Variants in KIF21A observed in about 807,000 individuals in gnomAD.
KIF21A encodes kinesin-like protein KIF21A.
A neutral mutation model predicts 202.9 loss-of-function variants in KIF21A; 114 were observed. The ratio of observed to expected loss-of-function variants is 0.56; its 90% CI spans 0.48 to 0.66. The LOEUF (loss-of-function observed/expected upper bound fraction) is 0.66. Among genes scored for constraint, KIF21A ranks in the 30% least tolerant of loss-of-function variants. The pLI is 0.00. For synonymous variants in KIF21A, 667 were observed against 670.8 expected (o/e 0.99, Z 0.09); for missense variants, 1,677 against 1,994.9 (o/e 0.84, Z 3.04).
intron 9 of KIF21A, among the ~76,000 whole-genome samples, 153 bp downstream of exon 9, chr12:39,357,094 AT>A (rs1437709357): frequency 6.6e-6 from 1 of 152,228 alleles, no homozygotes; most frequent in Non-Finnish European, 1.5e-5. Flanking sequence ...AGAATTTATT[AT>A]TTTTTGAAAT....
chr12:39,358,235 G>C lies in KIF21A; in HGVS notation c.1158C>G (p.Ile386Met), dbSNP rs769430367. Residue 386 changes from isoleucine (I) to methionine (M), a missense_variant, in exon 8 of 38, where the codon ATC becomes ATG. Around this residue, in one of 3 missense-constraint regions of KIF21A, gnomAD observed 966 missense variants for 1,180.9 expected, o/e 0.82. Coordinates refer to ENST00000361418, the MANE Select transcript of KIF21A (RefSeq NM_001173464.2). ...GTGTGATTTCACTACGAAGTGCATT[G>C]ATTTGCTGACTAGCTCTGTCCTGAT... ...MVNQDRASQQ[I>M]NALRSEITRL... The C allele has an allele frequency of 1.4e-5, 22 of 1,613,942 alleles. No individual in the cohort carries two copies. Among genetic ancestry groups the C allele is most frequent in the Admixed American group, 1.0e-4 (6 of 59,998 alleles).
intron 1 of KIF21A, among the ~76,000 whole-genome samples, chr12:39,405,831 A>G (rs532748856): frequency 6.6e-6 from 1 of 152,290 alleles, no homozygotes; most frequent in Admixed American, 6.5e-5. Context: ...ATTCTTAACT[A>G]GGCCGTAAGA....
intron 21 of KIF21A, 110 bp from the exon 22 acceptor site, chr12:39,331,901 G>A: frequency 1.2e-6 from 1 of 839,960 alleles, no homozygotes; most frequent in Non-Finnish European, 2.0e-6. Flanking sequence ...CTAATGAGAT[G>A]CTCAGATAAG....
In KIF21A at chr12:39,332,905, G is replaced by T. The variant is rs1946632527; in HGVS notation, c.2690C>A (p.Thr897Lys). The T allele has an allele frequency of 1.2e-6, 2 of 1,613,680 alleles. No individual in the cohort carries two copies. Among genetic ancestry groups the T allele is most frequent in the African/African-American group, 1.3e-5 (1 of 75,012 alleles). ...ARVQALPTPA[T>K]NGNRKKYQRK... ...GAATTATGTAGACCTGTTTCCATTT[G>T]TTGCCGGCGTTGGTAAGGCCTGGAC... Residue 897 changes from threonine to lysine, a missense_variant, in exon 19 of 38, where the codon ACA becomes AAA. Physicochemically the swap from Thr to Lys is moderately conservative, Grantham distance 78 (BLOSUM62 -1). This residue lies in a region of KIF21A where 966 missense variants were observed against 1,180.9 expected (regional missense o/e 0.82). Transcript: ENST00000361418.
chr12:39,423,961 G>C (rs1387690835), intron 1 of KIF21A, among the ~76,000 whole-genome samples: 1 of 142,062 alleles, frequency 7.0e-6, no homozygotes. Context: ...TCCAGCCTGG[G>C]GGACAGAGCA....
intron 1 of KIF21A, among the ~76,000 whole-genome samples, chr12:39,427,101 A>G: frequency 6.6e-6 from 1 of 152,076 alleles, no homozygotes; most frequent in South Asian, 2.1e-4. Flanking sequence ...TATCTGAATC[A>G]TCTTGCATTT....
chr12:39,377,591 C>T (rs1950346322), intron 1 of KIF21A, among the ~76,000 whole-genome samples: 1 of 152,066 alleles, frequency 6.6e-6, no homozygotes, highest in Non-Finnish European at 1.5e-5. Context: ...TCGGGCACTG[C>T]ATAAATAATA....
At chr12:39,328,346 G>A (rs181472599) in intron 24 of KIF21A, among the ~76,000 whole-genome samples, 16 of 152,208 alleles carry the variant, frequency 1.1e-4, no homozygotes, top group Non-Finnish European at 2.9e-5. Context: ...ATATTGCTGC[G>A]TTTTTTGTTC....
chr12:39,353,807 A>T (rs1329058698), intron 10 of KIF21A, among the ~76,000 whole-genome samples: 1 of 152,130 alleles, frequency 6.6e-6, no homozygotes, highest in Non-Finnish European at 1.5e-5. Flanking sequence ...ACTCCACATT[A>T]ACAGAATCTA....
chr12:39,415,680 C>T (rs1953519328), intron 1 of KIF21A, among the ~76,000 whole-genome samples: 1 of 152,196 alleles, frequency 6.6e-6, no homozygotes, highest in African/African-American at 2.4e-5. Flanking sequence ...TAGTGTCCCT[C>T]TCAATCTGCA....
chr12:39,295,511 C>T (rs916270241), intron 37 of KIF21A, among the ~76,000 whole-genome samples: 42 of 152,082 alleles, frequency 2.8e-4, no homozygotes, highest in African/African-American at 9.6e-4. Context: ...TTTCTAGAAC[C>T]CAGGCTTTCT....
intron 4 of KIF21A, among the ~76,000 whole-genome samples, chr12:39,367,599 C>T (rs1949685369): frequency 6.6e-6 from 1 of 152,304 alleles, no homozygotes; most frequent in African/African-American, 2.4e-5. Context: ...TCATTCTTCA[C>T]CATCAATTGT....
At chr12:39,369,289 T>C (rs1263916094) in intron 3 of KIF21A, among the ~76,000 whole-genome samples, 1 of 152,072 alleles carries the variant, frequency 6.6e-6, no homozygotes, top group African/African-American at 2.4e-5. Context: ...CGAAACCCCA[T>C]CTCTACTAAA....
At chr12:39,307,299 A>T (rs1295140806) in intron 34 of KIF21A, among the ~76,000 whole-genome samples, 1 of 152,196 alleles carries the variant, frequency 6.6e-6, no homozygotes, top group Non-Finnish European at 1.5e-5. Flanking sequence ...CTTGTAGGCA[A>T]ATATTAAGAA....
chr12:39,382,701 GATACAA>G (rs1950690910), intron 1 of KIF21A, among the ~76,000 whole-genome samples: 1 of 152,006 alleles, frequency 6.6e-6, no homozygotes, highest in Non-Finnish European at 1.5e-5. Flanking sequence ...TAAGACTCAG[GATACAA>G]ATAGATTTTT....
At chr12:39,368,222 T>C (rs1566000293) in intron 3 of KIF21A, among the ~76,000 whole-genome samples, 190 bp from the exon 4 acceptor site, 2 of 152,168 alleles carry the variant, frequency 1.3e-5, no homozygotes, top group Non-Finnish European at 2.9e-5. Context: ...CAGATTTATT[T>C]ACAAAAGTAA....
At chr12:39,345,242 T>G (rs1249474020) in intron 12 of KIF21A, among the ~76,000 whole-genome samples, 1 of 152,176 alleles carries the variant, frequency 6.6e-6, no homozygotes, top group African/African-American at 2.4e-5. Context: ...TTGAATATTT[T>G]ATGGTGATTA....
chr12:39,393,006 T>A (rs1353188607), intron 1 of KIF21A, among the ~76,000 whole-genome samples: 1 of 149,550 alleles, frequency 6.7e-6, no homozygotes, highest in Admixed American at 6.7e-5. Context: ...ACTAGATGTT[T>A]ACATAAAACA....
chr12:39,342,280 A>G (rs1947506406), intron 12 of KIF21A, among the ~76,000 whole-genome samples, 156 bp from the exon 13 acceptor site: 1 of 152,214 alleles, frequency 6.6e-6, no homozygotes, highest in Non-Finnish European at 1.5e-5. Flanking sequence ...GATGCTTCAG[A>G]GAAAAATGGA....
Sources: allele counts gnomAD v4.1 joint callset (sites outside exome capture counted in the v4.1 genomes callset), GRCh38; gene constraint gnomAD v4.1.1; regional missense constraint gnomAD v4.1.1; transcripts MANE v1.5; gene names NCBI Gene and HGNC (gene_info 2026-07-23, HGNC 2026-07-21).